CLDN16: variants seen among roughly 807,000 people sequenced by gnomAD.
CLDN16 encodes the protein claudin-16.
CLDN16 carries 13 observed loss-of-function variants against 24.6 expected under a neutral mutation model. The observed-to-expected ratio is 0.53, with a 90% confidence interval of 0.34 to 0.84. The LOEUF (loss-of-function observed/expected upper bound fraction) is 0.84. Ranked by LOEUF, CLDN16 falls within the 40% of genes least tolerant of loss-of-function variation. CLDN16 has a pLI of 0.01. For synonymous variants in CLDN16, 116 were observed against 106.7 expected, an observed-to-expected ratio of 1.09 and a Z score of -0.54; for missense variants, 298 against 292.7, an observed-to-expected ratio of 1.02 and a Z score of -0.13.
At chr3:190,361,719 AT>A (rs140974461) in intron 1 of CLDN16, among the ~76,000 whole-genome samples, 63 of 150,040 alleles carry the variant, frequency 4.2e-4, no homozygotes, top group Admixed American at 7.3e-4. Context: ...CCAAGAAATC[AT>A]TTTTTTTTTC....
chr3:190,391,603 A>AG, intron 1 of CLDN16, among the ~76,000 whole-genome samples: 1 of 152,300 alleles, frequency 6.6e-6, no homozygotes, highest in East Asian at 1.9e-4. Context: ...AAATGGCAGC[A>AG]GGGGCCTTTC....
intron 1 of CLDN16, among the ~76,000 whole-genome samples, chr3:190,339,368 T>C (rs1207700742): frequency 6.6e-6 from 1 of 152,214 alleles, no homozygotes; most frequent in East Asian, 1.9e-4. Flanking sequence ...TACATTATTC[T>C]TCATTTGTGT....
chr3:190,405,310 G>GCTACT (rs1345566202), intron 3 of CLDN16, among the ~76,000 whole-genome samples: 3 of 151,640 alleles, frequency 2.0e-5, no homozygotes, highest in Non-Finnish European at 4.4e-5. Context: ...TGTAGTCCCA[G>GCTACT]CTACTCGGCG....
At chr3:190,355,068 TC>T (rs1366456067) in intron 1 of CLDN16, among the ~76,000 whole-genome samples, 3 of 152,018 alleles carry the variant, frequency 2.0e-5, no homozygotes, top group African/African-American at 7.2e-5. Context: ...CTAAAAAATG[TC>T]TAACACACAA....
rs1411885209 is a variant in CLDN16 at position 190,409,933 on chromosome 3, C to G, written c.605C>G (p.Ser202Cys). 1 of 1,613,918 alleles carries G rather than the reference C, an allele frequency of 6.2e-7. No individual in the cohort carries two copies. Among genetic ancestry groups the G allele is most frequent in the East Asian group, 2.2e-5 (1 of 44,862 alleles). Residue 202 changes from serine (S) to cysteine (C), a missense_variant, in exon 5 of 5, where the codon TCC becomes TGC. Coordinates refer to ENST00000264734, the MANE Select transcript of CLDN16 (RefSeq NM_006580.4). Reference protein sequence around the residue: ...DVGPERNYPYSLRKAYSAAGV... With the variant: ...DVGPERNYPYCLRKAYSAAGV... ...GGACCTGAGAGAAACTATCCTTATT[C>G]CTTGAGGAAAGCCTATTCAGCCGCG...
At chr3:190,372,467 A>G (rs1014185080) in intron 2 of CLDN16, among the ~76,000 whole-genome samples, 12 of 150,718 alleles carry the variant, frequency 8.0e-5, no homozygotes, top group African/African-American at 2.9e-4. Flanking sequence ...ACATGTTGAG[A>G]CCCCCTTCCC....
chr3:190,300,536 T>A, the CLDN16 span, among the ~76,000 whole-genome samples: 1 of 152,184 alleles, frequency 6.6e-6, no homozygotes, highest in African/African-American at 2.4e-5. Context: ...ATGATTTACA[T>A]ATTTCGAAGA....
At chr3:190,346,881 G>A (rs546903623) in intron 1 of CLDN16, among the ~76,000 whole-genome samples, 11 of 152,182 alleles carry the variant, frequency 7.2e-5, no homozygotes, top group East Asian at 1.9e-4. Context: ...CTCCTTATAA[G>A]GACATCAGTT....
chr3:190,308,295 G>C, the CLDN16 span: 1 of 1,613,690 alleles, frequency 6.2e-7, no homozygotes, highest in Admixed American at 1.7e-5. Context: ...AGTCTTTCCC[G>C]CTGGAAGGTG....
the CLDN16 span, among the ~76,000 whole-genome samples, chr3:190,302,586 A>G: frequency 0.12 from 17,884 of 152,066 alleles, 1,393 homozygotes; most frequent in East Asian, 0.42. Flanking sequence ...CCTAGGCAAT[A>G]TGGAGAAACC....
the CLDN16 span, among the ~76,000 whole-genome samples, chr3:190,290,555 T>A: frequency 9.8e-5 from 15 of 152,332 alleles, no homozygotes; most frequent in African/African-American, 3.6e-4. Flanking sequence ...TAAATTGTCC[T>A]CCTTTCATCA....
chr3:190,397,091 G>A (rs1460344680), intron 1 of CLDN16, among the ~76,000 whole-genome samples: 2 of 152,076 alleles, frequency 1.3e-5, no homozygotes, highest in African/African-American at 2.4e-5. Flanking sequence ...AAGTTTCTAA[G>A]GGAACCCTGA....
At chr3:190,356,023 T>A (rs1717763622) in intron 1 of CLDN16, among the ~76,000 whole-genome samples, 1 of 151,660 alleles carries the variant, frequency 6.6e-6, no homozygotes, top group South Asian at 2.1e-4. Flanking sequence ...TTATTTTAGG[T>A]CCAGTTCAGA....
intron 3 of CLDN16, among the ~76,000 whole-genome samples, chr3:190,377,722 G>A (rs1377254649): frequency 6.6e-6 from 1 of 151,998 alleles, no homozygotes; most frequent in East Asian, 1.9e-4. Flanking sequence ...CAAGATGTGT[G>A]TGTAAATTCT....
At chr3:190,383,213 A>G (rs750508465), upstream of CLDN16, among the ~76,000 whole-genome samples, 4 of 152,096 alleles carry the variant, frequency 2.6e-5, no homozygotes, top group Non-Finnish European at 5.9e-5. Flanking sequence ...AAGGAGTTAG[A>G]GTTTAGGAGA....
chr3:190,304,975 T>C, the CLDN16 span, among the ~76,000 whole-genome samples: 1 of 152,226 alleles, frequency 6.6e-6, no homozygotes, highest in Non-Finnish European at 1.5e-5. Flanking sequence ...TTTAGTTATT[T>C]TCAGGAGCAC....
the CLDN16 span, among the ~76,000 whole-genome samples, chr3:190,313,491 C>G: frequency 4.3e-3 from 649 of 151,980 alleles, 3 homozygotes; most frequent in African/African-American, 0.015. Context: ...AGCTTTACAC[C>G]CCAATCAATA....
At chr3:190,403,004 G>A (rs1258729577) in intron 2 of CLDN16, among the ~76,000 whole-genome samples, 1 of 152,130 alleles carries the variant, frequency 6.6e-6, no homozygotes, top group African/African-American at 2.4e-5. Context: ...ATTGAAGCTG[G>A]CTCCCTTATC....
chr3:190,373,044 C>T (rs1287225675), intron 2 of CLDN16, among the ~76,000 whole-genome samples: 1 of 151,980 alleles, frequency 6.6e-6, no homozygotes, highest in Non-Finnish European at 1.5e-5. Context: ...TTCTGCCTTC[C>T]AGTCCCTGAC....
Sources: allele counts gnomAD v4.1 joint callset (sites outside exome capture counted in the v4.1 genomes callset), GRCh38; gene constraint gnomAD v4.1.1; transcripts MANE v1.5; gene names NCBI Gene and HGNC (gene_info 2026-07-23, HGNC 2026-07-21).